Variants in DOT1L observed in about 807,000 individuals in gnomAD.
The protein encoded by DOT1L is histone-lysine N-methyltransferase, H3 lysine-79 specific.
DOT1L carries 33 observed loss-of-function variants against 153.3 expected under a neutral mutation model. The observed-to-expected ratio is 0.22, with a 90% CI of 0.16 to 0.29. The LOEUF (loss-of-function observed/expected upper bound fraction) is 0.29, where lower values mean the gene tolerates loss of function less well. Among genes scored for constraint, DOT1L ranks in the 10% least tolerant of loss-of-function variants. DOT1L has a pLI of 1.00. For missense variants in DOT1L, 1,847 were observed against 2,119.9 expected, an observed-to-expected ratio of 0.87 and a Z score of 2.53; for synonymous variants, 1,135 against 965.1, an observed-to-expected ratio of 1.18 and a Z score of -3.26.
intron 2 of DOT1L, among the ~76,000 whole-genome samples, chr19:2,181,745 GCCCAGCCCCCGCCCAGCACCAGCCCCAGC>G (rs2022245153): frequency 6.6e-6 from 1 of 151,562 alleles, no homozygotes; most frequent in Admixed American, 6.6e-5. Flanking sequence ...CTGGACCCCA[GCCCAGCCCCCGCCCAGCACCAGCCCCAGC>G]CCCAGCCCCA....
chr19:2,210,645 G>A lies in DOT1L; in HGVS notation c.1141G>A (p.Ala381Thr). Reference protein sequence around the residue: ...PMDSGAEEEKAGAATVKKPSP... With the variant: ...PMDSGAEEEKTGAATVKKPSP... ...GGACTCTGGTGCTGAGGAAGAGAAGGCGGGAGCAGCCACCGTGAAGAAGCC... is the reference window on the plus strand; with the variant it reads ...GGACTCTGGTGCTGAGGAAGAGAAGACGGGAGCAGCCACCGTGAAGAAGCC... Residue 381 changes from alanine to threonine, a missense_variant, in exon 14 of 28, where the codon GCG becomes ACG. Ala to Thr is a moderately conservative substitution (Grantham distance 58, BLOSUM62 0). Transcript: ENST00000398665. The A allele has an allele frequency of 1.9e-6, 3 of 1,612,814 alleles. No homozygotes were observed. Among genetic ancestry groups the A allele is most frequent in the Non-Finnish European group, 2.5e-6 (3 of 1,179,844 alleles).
At chr19:2,200,506 G>A (rs1485959879) in intron 8 of DOT1L, among the ~76,000 whole-genome samples, 2 of 152,174 alleles carry the variant, frequency 1.3e-5, no homozygotes, top group African/African-American at 2.4e-5. Context: ...CTGGGCCCCC[G>A]TGCTTTCCAC....
intron 25 of DOT1L, 39 bp from the exon 26 acceptor site, chr19:2,225,349 G>T (rs1407405186): frequency 1.3e-6 from 2 of 1,583,934 alleles, no homozygotes; most frequent in Middle Eastern, 1.7e-4. Context: ...TTAGTATGCA[G>T]CTGGGTTTCA....
chr19:2,188,054 T>G (rs2022617824), intron 3 of DOT1L: 1 of 152,166 alleles, frequency 6.6e-6, no homozygotes, highest in Non-Finnish European at 1.5e-5. Flanking sequence ...GCTGGCCCTC[T>G]GCACCACCTG....
At chr19:2,228,607 TTCCTGCGGTGA>T in intron 27 of DOT1L, 2 of 985,332 alleles carry the variant, frequency 2.0e-6, no homozygotes, top group Non-Finnish European at 2.4e-6. Context: ...CGCAGCTGGG[TTCCTGCGGTGA>T]CGCCGCAGGA....
intron 1 of DOT1L, among the ~76,000 whole-genome samples, chr19:2,177,403 T>C (rs987785121): frequency 6.6e-6 from 1 of 151,796 alleles, no homozygotes; most frequent in African/African-American, 2.4e-5. Flanking sequence ...TTCAAGCAAG[T>C]CTCCTCTCTC....
chr19:2,167,497 C>T (rs938179576), intron 1 of DOT1L, among the ~76,000 whole-genome samples: 2 of 152,208 alleles, frequency 1.3e-5, no homozygotes, highest in African/African-American at 4.8e-5. Flanking sequence ...GGGACTGTGC[C>T]GTGTCTTTCC....
At chr19:2,196,604 G>A (rs2023030173) in intron 7 of DOT1L, among the ~76,000 whole-genome samples, 1 of 152,136 alleles carries the variant, frequency 6.6e-6, no homozygotes, top group Admixed American at 6.6e-5. Flanking sequence ...GTGCTGGGAT[G>A]ACAGGTGTGA....
intron 16 of DOT1L, chr19:2,213,268 C>G (rs530950756): frequency 2.2e-4 from 86 of 393,432 alleles, no homozygotes; most frequent in Admixed American, 1.4e-3. Flanking sequence ...CTCTGCGTGG[C>G]TGGGGGCGCT....
chr19:2,224,791 G>A (rs374012369), intron 25 of DOT1L, among the ~76,000 whole-genome samples: 1 of 152,222 alleles, frequency 6.6e-6, no homozygotes, highest in African/African-American at 2.4e-5. Flanking sequence ...AGTTCGTTCT[G>A]CTCCTTGCCC....
Position 2,229,862 on chromosome 19 carries a change from C to T in DOT1L, c.*70C>T, listed in dbSNP as rs2024523464. 18 of 1,610,966 alleles carry T rather than the reference C, an allele frequency of 1.1e-5. No homozygotes were observed. The highest frequency in any genetic ancestry group is 2.7e-5 in the African/African-American group (2 of 74,916). On this transcript the variant is annotated 3_prime_UTR_variant, in exon 28 of 28. Transcript: ENST00000398665. The stretch of plus-strand genomic sequence containing the variant: ...CAACTCGCGCCCGCGGCATGGTGCC[C>T]GCCGGCCTGCCGGGCTCCCACCCCT...
chr19:2,223,507 G>C (rs550610096), intron 25 of DOT1L, 21 bp downstream of exon 25: 352 of 1,586,446 alleles, frequency 2.2e-4, no homozygotes, highest in Non-Finnish European at 2.8e-4. Context: ...GGGCCCGGAG[G>C]GGGGCGGGGC....
chr19:2,213,721 T>A, intron 17 of DOT1L, 81 bp downstream of exon 17: 2 of 1,600,710 alleles, frequency 1.2e-6, no homozygotes, highest in Non-Finnish European at 1.7e-6. Flanking sequence ...TATGGCTTCC[T>A]GTGGCTTCCT....
At position 2,197,314 on chromosome 19, in the gene DOT1L, C is replaced by A. The variant is rs1217365761; in HGVS notation, c.652-2570C>A. Among the ~76,000 whole-genome samples, 3 of 152,216 alleles carry A rather than the reference C, an allele frequency of 2.0e-5. No individual in the cohort carries two copies. Among genetic ancestry groups the A allele is most frequent in the Admixed American group, 6.5e-5 (1 of 15,282 alleles). ...GGTTCTGGGTCCACTTGCACTCTGG[C>A]CGGAAGTTCCCACATGGGTTCCTGG... On this transcript the variant is annotated intron_variant, in intron 7 of 27. Transcript: ENST00000398665. The surrounding 1 kb of genome is among the most constrained non-coding windows in gnomAD (Gnocchi z 4.1).
At chr19:2,194,690 G>A (rs1056139212) in intron 7 of DOT1L, 113 bp downstream of exon 7, 1 of 480,756 alleles carries the variant, frequency 2.1e-6, no homozygotes, top group African/African-American at 2.3e-5. Context: ...GGCACATGGT[G>A]TGCCCCCTGG....
At chr19:2,178,911 A>G (rs998187065) in intron 1 of DOT1L, among the ~76,000 whole-genome samples, 1 of 152,104 alleles carries the variant, frequency 6.6e-6, no homozygotes. Context: ...CACCGCACAG[A>G]CTTTCTATGT....
chr19:2,169,957 G>A (rs928804688), intron 1 of DOT1L, among the ~76,000 whole-genome samples: 2 of 152,192 alleles, frequency 1.3e-5, no homozygotes, highest in African/African-American at 4.8e-5. Flanking sequence ...AGGAGTTCGA[G>A]ACCAGCTTGG....
chr19:2,222,367 CCT>C lies in DOT1L; in HGVS notation c.3199_3200del (p.Leu1067AspfsTer66). 1 of 1,612,166 alleles carries C rather than the reference CCT, an allele frequency of 6.2e-7. No homozygotes were observed. The highest frequency in any genetic ancestry group is 8.5e-7 in the Non-Finnish European group (1 of 1,179,618). On this transcript the variant is annotated frameshift_variant, in exon 24 of 28. Coordinates refer to ENST00000398665, the MANE Select transcript of DOT1L (RefSeq NM_032482.3). LOFTEE classifies it high-confidence loss of function. This position sits in a 1 kb window ranked among gnomAD's most constrained non-coding sequence, Gnocchi z 6.5. The part of the protein sequence containing the change: ...KQSPSSKHSP[L>X]TASARGDCVP... ...AGTCGCCCTCCAGCAAGCACAGCCC[CCT>C]GACCGCCAGCGCCCGTGGGGACTGT...
chr19:2,192,977 C>A (rs2022862226), intron 5 of DOT1L, among the ~76,000 whole-genome samples: 1 of 152,218 alleles, frequency 6.6e-6, no homozygotes, highest in Admixed American at 6.5e-5. Context: ...CGGTCTGTGC[C>A]CATTGTGGTC....
Sources: gnomAD v4.1 joint callset for allele counts (sites outside exome capture counted in the v4.1 genomes callset) on GRCh38, gnomAD v4.1.1 for gene constraint, Gnocchi (gnomAD v3.1) non-coding constraint, MANE v1.5 for transcripts, NCBI Gene and HGNC (gene_info 2026-07-23, HGNC 2026-07-21) for gene names.